Variants in MORC3 observed in about 807,000 individuals in gnomAD.
MORC3 encodes MORC family CW-type zinc finger protein 3.
MORC3 carries 31 observed loss-of-function variants against 109.1 expected under a neutral mutation model. That is an observed-to-expected ratio of 0.28 (90% CI 0.21 to 0.38). The LOEUF (loss-of-function observed/expected upper bound fraction) is 0.38, where lower values mean the gene tolerates loss of function less well. MORC3 is among the 10% of genes least tolerant of loss of function. The pLI, the probability that MORC3 is intolerant of heterozygous loss-of-function variation, is 1.00. For synonymous variants in MORC3, 395 were observed against 380.7 expected (o/e 1.04, Z -0.44); for missense variants, 867 against 1,135.8 (o/e 0.76, Z 3.40).
chr21:36,365,791 A>G (rs2085774210), intron 14 of MORC3, among the ~76,000 whole-genome samples: 2 of 152,150 alleles, frequency 1.3e-5, no homozygotes, highest in Admixed American at 1.3e-4. Flanking sequence ...TGTGTTAGCC[A>G]GGATAGTCTC....
In MORC3 at chr21:36,339,310, G is replaced by A. The variant is rs188293945; in HGVS notation, c.608+389G>A. The A allele has an allele frequency of 1.1e-3, 170 of 158,336 alleles. 1 individual carries two copies. The highest frequency in any genetic ancestry group is 1.9e-3 in the Non-Finnish European group (139 of 71,886). 9.8% of individuals were successfully genotyped at this position (158,336 alleles called of 1,614,324 possible). ...AACTTTTGTATTTTAGTTGAGACAGGGTTTCACCATGTTGGCCAGGCTGGT... is the reference window on the plus strand; with the variant it reads ...AACTTTTGTATTTTAGTTGAGACAGAGTTTCACCATGTTGGCCAGGCTGGT... On this transcript the variant is annotated intron_variant, in intron 5 of 16. Transcript: ENST00000400485.
At chr21:36,329,210 G>T (rs193143464) in intron 1 of MORC3, among the ~76,000 whole-genome samples, 1 of 151,948 alleles carries the variant, frequency 6.6e-6, no homozygotes, top group African/African-American at 2.4e-5. Context: ...CAGGAGAATC[G>T]CTTGAACCCG....
At chr21:36,375,116 T>C (rs773996882) in intron 16 of MORC3, 27 bp from the exon 17 acceptor site, 4 of 1,593,986 alleles carry the variant, frequency 2.5e-6, no homozygotes, top group Admixed American at 3.5e-5. Context: ...AATGCTCATC[T>C]AATAAGTTAC....
At chr21:36,366,263 C>A (rs1183940786) in intron 14 of MORC3, among the ~76,000 whole-genome samples, 1 of 152,094 alleles carries the variant, frequency 6.6e-6, no homozygotes, top group African/African-American at 2.4e-5. Flanking sequence ...CACTTACTCC[C>A]ACTTATAAGT....
At chr21:36,339,769 C>G (rs932149414) in intron 5 of MORC3, among the ~76,000 whole-genome samples, 4 of 152,122 alleles carry the variant, frequency 2.6e-5, no homozygotes, top group African/African-American at 9.7e-5. Context: ...AGGAATAAAG[C>G]ACAGGTAGTG....
rs2085381057 is a variant in MORC3, at chr21:36,336,903, A to G, written c.142A>G (p.Lys48Glu). ...TGCTTATGATCCTGATGTGAACGCT[A>G]AACAAATATGGATTGACAAAACAGT... is the stretch of plus-strand genomic sequence containing the variant. ...DNAYDPDVNA[K>E]QIWIDKTVIN... Residue 48 changes from lysine to glutamate, a missense_variant, in exon 3 of 17, where the codon AAA becomes GAA. Around this residue, in one of 7 missense-constraint regions of MORC3, gnomAD observed 53 missense variants for 130.3 expected, o/e 0.41. Transcript: ENST00000400485. 6.2e-7 allele frequency: 1 copy of G among 1,612,346 alleles called. No homozygotes were observed. Among genetic ancestry groups the G allele is most frequent in the East Asian group, 2.2e-5 (1 of 44,802 alleles).
intron 10 of MORC3, among the ~76,000 whole-genome samples, chr21:36,357,865 C>T (rs1314325701): frequency 2.6e-5 from 4 of 151,096 alleles, no homozygotes; most frequent in African/African-American, 7.3e-5. Context: ...CTCAGCCTTC[C>T]GAGGAGCTGG....
intron 15 of MORC3, among the ~76,000 whole-genome samples, chr21:36,371,402 T>C (rs2085865208): frequency 6.6e-6 from 1 of 151,080 alleles, no homozygotes; most frequent in Non-Finnish European, 1.5e-5. Flanking sequence ...AACATTCATT[T>C]AATTACAGCC....
intron 9 of MORC3, among the ~76,000 whole-genome samples, chr21:36,355,942 C>A (rs1261084053): frequency 6.6e-6 from 1 of 152,102 alleles, no homozygotes; most frequent in Admixed American, 6.6e-5. Flanking sequence ...AGTGGCAGTT[C>A]GTGTGGGTCC....
intron 10 of MORC3, among the ~76,000 whole-genome samples, chr21:36,358,391 A>T (rs1269814674): frequency 5.9e-5 from 9 of 152,070 alleles, no homozygotes; most frequent in Non-Finnish European, 1.3e-4. Context: ...GTCTCAAAAA[A>T]AATAAATAAA....
intron 9 of MORC3, among the ~76,000 whole-genome samples, chr21:36,354,323 C>CTTTTTTTTT (rs144208712): frequency 1.2e-3 from 142 of 113,608 alleles, no homozygotes; most frequent in East Asian, 2.9e-3. Context: ...TTCTTTCTTT[C>CTTTTTTTTT]TTTTTTTTTT....
Position 36,373,230 on chromosome 21 carries a change from C to T in MORC3, c.2666+699C>T, listed in dbSNP as rs891765645. 2.0e-5 allele frequency among the ~76,000 whole-genome samples: 3 copies of T among 151,922 alleles called. No individual in the cohort carries two copies. In the East Asian group the frequency reaches 5.8e-4, roughly 29 times the overall value. ...TGGCAGGCGCCTGTAGTCCCAGCTA[C>T]TCGGGAGGCTCAGGCAGGAGAATCG... On this transcript the variant is annotated intron_variant, in intron 16 of 16. Transcript: ENST00000400485.
intron 13 of MORC3, among the ~76,000 whole-genome samples, chr21:36,363,736 A>T (rs2085746220): frequency 6.6e-6 from 1 of 152,248 alleles, no homozygotes. Flanking sequence ...GCAAGTAGGC[A>T]GTTGTGCTTC....
chr21:36,321,873 C>T (rs1383479208), intron 1 of MORC3, among the ~76,000 whole-genome samples: 1 of 152,108 alleles, frequency 6.6e-6, no homozygotes, highest in Admixed American at 6.6e-5. Context: ...TCTGGCTCTT[C>T]AAGATTGAGG....
chr21:36,343,523 A>G (rs2085475140), intron 6 of MORC3, among the ~76,000 whole-genome samples: 2 of 146,120 alleles, frequency 1.4e-5, no homozygotes, highest in Admixed American at 1.4e-4. Flanking sequence ...ATCTCGGCTC[A>G]CCACAACCTC....
chr21:36,342,984 A>C (rs1051468036), intron 6 of MORC3, among the ~76,000 whole-genome samples: 1 of 151,610 alleles, frequency 6.6e-6, no homozygotes, highest in African/African-American at 2.4e-5. Context: ...GCACCATTAC[A>C]CTCCAGCCTG....
chr21:36,332,437 GA>G (rs201467542), intron 1 of MORC3, among the ~76,000 whole-genome samples: 1 of 151,778 alleles, frequency 6.6e-6, no homozygotes, highest in Admixed American at 6.6e-5. Context: ...TTCTGTCTCA[GA>G]AAAAAAATAG....
In MORC3 at chr21:36,336,908, A is replaced by G; in HGVS notation, c.147A>G (p.Gln49=). 2 of 1,613,270 alleles carry G rather than the reference A, an allele frequency of 1.2e-6. No homozygotes were observed. The highest frequency in any genetic ancestry group is 1.7e-6 in the Non-Finnish European group (2 of 1,179,588). ...ATGATCCTGATGTGAACGCTAAACAAATATGGATTGACAAAACAGTGATAA... is the reference window on the plus strand; with the variant it reads ...ATGATCCTGATGTGAACGCTAAACAGATATGGATTGACAAAACAGTGATAA... ...NAYDPDVNAK[Q]IWIDKTVIND... is the part of the protein sequence containing the mutation. Residue 49 remains glutamine (Q), a synonymous_variant, in exon 3 of 17, where the codon CAA becomes CAG. Transcript: ENST00000400485.
At chr21:36,346,463 A>G (rs146647835) in intron 8 of MORC3, among the ~76,000 whole-genome samples, 2,399 of 152,170 alleles carry the variant, frequency 0.016, 31 homozygotes, top group South Asian at 0.076. Context: ...TGGCTGAGGT[A>G]GGAGGATTGC....
Sources: allele counts gnomAD v4.1 joint callset (sites outside exome capture counted in the v4.1 genomes callset), GRCh38; gene constraint gnomAD v4.1.1; regional missense constraint gnomAD v4.1.1; transcripts MANE v1.5; gene names NCBI Gene and HGNC (gene_info 2026-07-23, HGNC 2026-07-21).